The following PTPRF variants were observed in gnomAD, a reference collection of about 807,000 sequenced individuals.
PTPRF encodes the protein protein tyrosine phosphatase receptor type F, also known as receptor-type tyrosine-protein phosphatase F.
Under a neutral mutation model 201.8 loss-of-function variants are expected in PTPRF, and 59 were observed. The ratio of observed to expected loss-of-function variants is 0.29; its 90% confidence interval spans 0.24 to 0.36. The LOEUF (loss-of-function observed/expected upper bound fraction) is 0.36. Ranked by LOEUF, PTPRF falls within the 10% of genes least tolerant of loss-of-function variation. PTPRF has a pLI of 1.00. For synonymous variants in PTPRF, 1,088 were observed against 1,089.7 expected (o/e 1.00, Z 0.03); for missense variants, 2,132 against 2,690.5 (o/e 0.79, Z 4.59).
In PTPRF at chr1:43,606,344, G is replaced by A; in HGVS notation, c.3588G>A (p.Glu1196=). The change falls in exon 20 of 34, where the codon GAG becomes GAA. Residue 1196 remains glutamate, a synonymous_variant. Coordinates refer to ENST00000359947, the MANE Select transcript of PTPRF (RefSeq NM_002840.5). The part of the protein sequence containing the change: ...YVAAQLDVLP[E]TFTLGDKKNY... The stretch of plus-strand genomic sequence containing the variant: ...CTGCTCAACTGGATGTGCTCCCGGA[G>A]ACCTTTACCTTGGGGGACAAGAAGA... The A allele has an allele frequency of 6.2e-7, 1 of 1,614,208 alleles. No homozygotes were observed. The highest frequency in any genetic ancestry group is 2.2e-5 in the East Asian group (1 of 44,888).
intron 17 of PTPRF, 50 bp from the exon 18 acceptor site, chr1:43,605,140 G>A: frequency 6.3e-7 from 1 of 1,576,200 alleles, no homozygotes; most frequent in Non-Finnish European, 8.6e-7. Flanking sequence ...TGCAGCCCGT[G>A]GTAGGGAACC....
chr1:43,613,629 C>A lies in PTPRF; in HGVS notation c.3985C>A (p.His1329Asn), dbSNP rs1414794847. 1.2e-6 allele frequency: 2 copies of A among 1,614,016 alleles called. No homozygotes were observed. Among genetic ancestry groups the A allele is most frequent in the Admixed American group, 3.3e-5 (2 of 60,022 alleles). The change falls in exon 23 of 34, where the codon CAC (histidine) becomes AAC (asparagine). Residue 1329 changes from histidine to asparagine, a missense_variant. Transcript: ENST00000359947. The part of the protein sequence containing the change: ...LNYQTPGMRD[H>N]PPIPITDLAD... ...CCTACCTCCCCTAGGTATGCGAGACCACCCACCCATCCCCATCACCGACCT... is the reference window on the plus strand; with the variant it reads ...CCTACCTCCCCTAGGTATGCGAGACAACCCACCCATCCCCATCACCGACCT...
chr1:43,541,543 A>G (rs970320536), intron 2 of PTPRF, among the ~76,000 whole-genome samples: 1 of 152,156 alleles, frequency 6.6e-6, no homozygotes, highest in African/African-American at 2.4e-5. Flanking sequence ...AACCAATACA[A>G]TTTCCAAAAG....
chr1:43,564,813 G>C (rs1009640739), intron 5 of PTPRF, among the ~76,000 whole-genome samples: 1 of 152,192 alleles, frequency 6.6e-6, no homozygotes, highest in South Asian at 2.1e-4. Flanking sequence ...CATACTGACA[G>C]ACGGTGCTGC....
chr1:43,613,421 T>TG (rs1312743133), intron 22 of PTPRF, 197 bp from the exon 23 acceptor site: 33 of 572,194 alleles, frequency 5.8e-5, no homozygotes, highest in Admixed American at 1.1e-4. Flanking sequence ...CACATGCTCA[T>TG]GGCACAACAC....
At chr1:43,541,142 C>T (rs2153958829) in intron 2 of PTPRF, among the ~76,000 whole-genome samples, 1 of 152,348 alleles carries the variant, frequency 6.6e-6, no homozygotes, top group African/African-American at 2.4e-5. Context: ...CCTCCTTCTG[C>T]TCATGTCCAT....
rs748932146 is a variant in PTPRF, at chr1:43,617,560, CTAT to C, written c.4188_4190del (p.Ile1397del). Reference sequence around the variant, plus strand: ...GACCACTCTCGAGTCATCCTTACCTCTATCGATGGTGAGCCAAGGGGGTGCCCC... The same window carrying C: ...GACCACTCTCGAGTCATCCTTACCTCCGATGGTGAGCCAAGGGGGTGCCCC... On this transcript the variant is annotated inframe_deletion, in exon 24 of 34. Coordinates refer to ENST00000359947, the MANE Select transcript of PTPRF (RefSeq NM_002840.5). The C allele has an allele frequency of 6.2e-7, 1 of 1,614,006 alleles. No individual in the cohort carries two copies. Among genetic ancestry groups the C allele is most frequent in the Non-Finnish European group, 8.5e-7 (1 of 1,179,992 alleles).
At chr1:43,607,026 T>C in intron 21 of PTPRF, 58 bp downstream of exon 21, 5 of 1,588,822 alleles carry the variant, frequency 3.1e-6, no homozygotes, top group Non-Finnish European at 4.3e-6. Context: ...TTTCAGGCCC[T>C]CTCCGGGTGT....
At chr1:43,564,897 C>G (rs2153983592) in intron 5 of PTPRF, among the ~76,000 whole-genome samples, 1 of 152,298 alleles carries the variant, frequency 6.6e-6, no homozygotes, top group East Asian at 1.9e-4. Flanking sequence ...GGCCCAGAGA[C>G]TCACCCTCAG....
At chr1:43,558,914 G>A (rs1328320877) in intron 5 of PTPRF, among the ~76,000 whole-genome samples, 4 of 152,306 alleles carry the variant, frequency 2.6e-5, no homozygotes, top group African/African-American at 7.2e-5. Context: ...CCAGGAGGCC[G>A]CCAGACATTC....
Position 43,592,574 on chromosome 1 carries a change from A to G in PTPRF, c.1786A>G (p.Thr596Ala). 6.2e-7 allele frequency: 1 copy of G among 1,604,688 alleles called. No individual in the cohort carries two copies. The highest frequency in any genetic ancestry group is 8.5e-7 in the Non-Finnish European group (1 of 1,176,598). Residue 596 changes from threonine to alanine, a missense_variant, in exon 11 of 34, where the codon ACC becomes GCC. Physicochemically the swap from Thr to Ala is moderately conservative, Grantham distance 58. Coordinates refer to ENST00000359947, the MANE Select transcript of PTPRF (RefSeq NM_002840.5). ...SDMGVGVFTPTIEARTAQSTP... is the reference protein window; with the variant it reads ...SDMGVGVFTPAIEARTAQSTP... ...TATGGGGGTGGGCGTCTTCACCCCC[A>G]CCATTGAGGCCCGCACAGCCCAGTC...
chr1:43,587,402 T>C (rs563847463), intron 7 of PTPRF, among the ~76,000 whole-genome samples: 5 of 152,306 alleles, frequency 3.3e-5, no homozygotes, highest in African/African-American at 4.8e-5. Context: ...TTGGAAGATA[T>C]GTTATGCCAC....
chr1:43,600,837 C>T (rs1433003339), intron 13 of PTPRF, among the ~76,000 whole-genome samples: 4 of 152,076 alleles, frequency 2.6e-5, no homozygotes, highest in Admixed American at 2.0e-4. Flanking sequence ...ATTCCTCTGA[C>T]CCCTTTCCTT....
intron 11 of PTPRF, among the ~76,000 whole-genome samples, chr1:43,596,757 CTG>C (rs904512014): frequency 4.6e-5 from 7 of 152,124 alleles, no homozygotes; most frequent in African/African-American, 1.4e-4. Context: ...CCATATGTGG[CTG>C]TGTGTGCGGG....
chr1:43,601,357 C>G (rs773411840), intron 13 of PTPRF, among the ~76,000 whole-genome samples: 5 of 152,258 alleles, frequency 3.3e-5, no homozygotes, highest in African/African-American at 4.8e-5. Flanking sequence ...CTACCTTAAT[C>G]CTCAGACACC....
At chr1:43,611,957 T>C (rs1351836805) in intron 22 of PTPRF, among the ~76,000 whole-genome samples, 1 of 151,898 alleles carries the variant, frequency 6.6e-6, no homozygotes, top group Non-Finnish European at 1.5e-5. Flanking sequence ...AGCCTGAGAA[T>C]AGATGGGCTC....
At chr1:43,557,974 C>T (rs1004714584) in intron 5 of PTPRF, among the ~76,000 whole-genome samples, 1 of 152,186 alleles carries the variant, frequency 6.6e-6, no homozygotes, top group Non-Finnish European at 1.5e-5. Flanking sequence ...CCCCCTGCCC[C>T]GCCTCACCCC....
rs74070612 is a variant in PTPRF at position 43,557,843 on chromosome 1, A to G, written c.379+3902A>G. On this transcript the variant is annotated intron_variant, in intron 5 of 33. Transcript: ENST00000359947. ...GCCCCTCCTGCTTCTGAAACATAGC[A>G]CCAGGAAGACAAAATGCTGACTTAT... Among the ~76,000 whole-genome samples, 696 of 152,154 alleles carry G rather than the reference A, an allele frequency of 4.6e-3. 2 individuals are homozygous for G. The highest frequency in any genetic ancestry group is 0.016 in the African/African-American group (666 of 41,508).
rs1658914397 is a variant in PTPRF at position 43,620,365 on chromosome 1, G to C, written c.5239-89G>C. On this transcript the variant is annotated intron_variant, in intron 30 of 33. Coordinates refer to ENST00000359947, the MANE Select transcript of PTPRF (RefSeq NM_002840.5). ...CCTCAGGCGCCCGTTATTACTACCT[G>C]AGGCATCTGTCCCAGAATCCTGTGA... 7 of 1,522,630 alleles carry C rather than the reference G, an allele frequency of 4.6e-6. No homozygotes were observed. The South Asian group carries it at 8.6e-5, about 19-fold the overall frequency. 94.3% of individuals were successfully genotyped at this position (1,522,630 alleles called of 1,614,324 possible).
Sources: gnomAD v4.1 joint callset for allele counts (sites outside exome capture counted in the v4.1 genomes callset) on GRCh38, gnomAD v4.1.1 for gene constraint, MANE v1.5 for transcripts, NCBI Gene and HGNC (gene_info 2026-07-23, HGNC 2026-07-21) for gene names.